CCNB3: variants seen among roughly 807,000 people sequenced by gnomAD.
The protein encoded by CCNB3 is G2/mitotic-specific cyclin-B3.
A neutral mutation model predicts 68.0 loss-of-function variants in CCNB3; 12 were observed. That is an observed-to-expected ratio of 0.18 (90% CI 0.11 to 0.29). The LOEUF is 0.29. Among genes scored for constraint, CCNB3 ranks in the 10% least tolerant of loss-of-function variants. The probability of loss-of-function intolerance (pLI) is 1.00; values close to 1 mark genes in which losing one functional copy is unlikely to be tolerated. For missense variants in CCNB3, 904 were observed against 993.1 expected (o/e 0.91, Z 1.21); for synonymous variants, 354 against 388.9 (o/e 0.91, Z 1.06).
At chrX:50,335,991 C>T (rs970573011) in intron 8 of CCNB3, among the ~76,000 whole-genome samples, 1 of 111,049 alleles carries the variant, frequency 9.0e-6, no homozygotes, top group African/African-American at 3.3e-5. Flanking sequence ...CAATGGTTTC[C>T]TTGGATAAGG....
chrX:50,349,474 G>C (rs1239186367), intron 11 of CCNB3, among the ~76,000 whole-genome samples: 1 of 112,281 alleles, frequency 8.9e-6, no homozygotes, highest in Non-Finnish European at 1.9e-5. Flanking sequence ...TACTGGTATA[G>C]CAAAAGAGAA....
At chrX:50,313,996 T>C in intron 8 of CCNB3, 48 bp downstream of exon 8, 1 of 1,001,109 alleles carries the variant, frequency 1.0e-6, no homozygotes, top group African/African-American at 1.9e-5. Flanking sequence ...CTCTTTCTCA[T>C]TCAGGGCTGC....
chrX:50,288,589 C>A (rs1205806192), intron 3 of CCNB3, among the ~76,000 whole-genome samples, 191 bp from the exon 4 acceptor site: 1 of 111,020 alleles, frequency 9.0e-6, no homozygotes, highest in African/African-American at 3.3e-5. Flanking sequence ...ACAATGTCTA[C>A]CACCTTTAGG....
At chrX:50,322,452 C>G (rs1188869191) in intron 8 of CCNB3, among the ~76,000 whole-genome samples, 15 of 111,322 alleles carry the variant, frequency 1.3e-4, no homozygotes, top group Non-Finnish European at 2.1e-4. Flanking sequence ...CATGTTAGAC[C>G]TAAAACCATA....
chrX:50,287,862 C>T (rs981501430), intron 3 of CCNB3, among the ~76,000 whole-genome samples: 2 of 110,553 alleles, frequency 1.8e-5, no homozygotes, highest in Non-Finnish European at 3.8e-5. Flanking sequence ...AAAGCTTCAT[C>T]GGTATTTATA....
chrX:50,342,403 A>G (rs1416197431), intron 9 of CCNB3, 64 bp downstream of exon 9: 1 of 961,586 alleles, frequency 1.0e-6, no homozygotes, highest in African/African-American at 2.0e-5. Flanking sequence ...GTGAATGAAT[A>G]TATATTCATA....
intron 5 of CCNB3, among the ~76,000 whole-genome samples, chrX:50,299,388 T>G (rs1193632256): frequency 7.2e-5 from 8 of 111,692 alleles, no homozygotes; most frequent in African/African-American, 2.6e-4. Flanking sequence ...ATTTTGCTAT[T>G]TACCCAGTAG....
chrX:50,207,492 T>G (rs77671993), intron 1 of CCNB3, among the ~76,000 whole-genome samples: 1 of 111,939 alleles, frequency 8.9e-6, no homozygotes, highest in Non-Finnish European at 1.9e-5. Flanking sequence ...TTCATATATA[T>G]TAGCAAATGC....
chrX:50,226,597 T>G (rs1192060496), intron 1 of CCNB3, among the ~76,000 whole-genome samples: 3 of 77,061 alleles, frequency 3.9e-5, no homozygotes, highest in Middle Eastern at 0.019. Context: ...AATATATATA[T>G]AGAATATATC....
At chrX:50,226,946 A>AATATATATAGTATATATAGAAT (rs1935853014) in intron 1 of CCNB3, among the ~76,000 whole-genome samples, 2 of 73,641 alleles carry the variant, frequency 2.7e-5, no homozygotes, top group African/African-American at 1.2e-4. Context: ...ATATATATAG[A>AATATATATAGTATATATAGAAT]ATATATATAG....
chrX:50,291,615 T>C (rs1246393458), intron 4 of CCNB3, among the ~76,000 whole-genome samples: 5 of 111,944 alleles, frequency 4.5e-5, no homozygotes, highest in African/African-American at 1.6e-4. Context: ...GAAGTACAAG[T>C]AAAGGTCCCC....
At chrX:50,336,804 A>T (rs1010217480) in intron 8 of CCNB3, among the ~76,000 whole-genome samples, 1 of 110,709 alleles carries the variant, frequency 9.0e-6, no homozygotes, top group African/African-American at 3.3e-5. Flanking sequence ...ATTCTTCTAT[A>T]TTCTTGAGGG....
Position 50,279,732 on chromosome X carries a change from A to G in CCNB3, c.-112-4810A>G, listed in dbSNP as rs1427764114. ...TGTATATTCATATATGTAAATATAT[A>G]TGATTATGTATATTCATATATGTAA... On this transcript the variant is annotated intron_variant, in intron 1 of 12. Coordinates refer to ENST00000376042, the MANE Select transcript of CCNB3 (RefSeq NM_033031.3). Among the ~76,000 whole-genome samples, 11 of 91,077 alleles carry G rather than the reference A, an allele frequency of 1.2e-4. No homozygotes were observed. The South Asian group carries it at 2.1e-3, about 17-fold the overall frequency. 79.1% of individuals were successfully genotyped at this position (91,077 alleles called of 115,157 possible).
chrX:50,302,117 G>A (rs782289086), intron 5 of CCNB3, among the ~76,000 whole-genome samples: 1 of 112,445 alleles, frequency 8.9e-6, no homozygotes, highest in Admixed American at 9.4e-5. Context: ...TTCAACTCGT[G>A]CATGGTGCGC....
chrX:50,338,816 C>T (rs1235852580), intron 8 of CCNB3, among the ~76,000 whole-genome samples: 1 of 112,350 alleles, frequency 8.9e-6, no homozygotes, highest in Non-Finnish European at 1.9e-5. Flanking sequence ...GCCTCTTTAG[C>T]CTGGACTTCA....
In CCNB3 at chrX:50,351,142, G is replaced by A. The variant is rs781871889; in HGVS notation, c.3961-99G>A. The A allele has an allele frequency of 1.8e-4, 179 of 977,074 alleles. No individual in the cohort carries two copies. The African/African-American group carries it at 3.1e-3, about 17-fold the overall frequency. The allele number at this position is 977,074 out of a possible 1,213,427, so 80.5% of individuals were successfully genotyped here. On this transcript the variant is annotated intron_variant, in intron 11 of 12. Transcript: ENST00000376042. ...TTGAAATGTTTTGAATGTCATCTCT[G>A]TTTAAACCATGTGTGGGAAGCTTAG...
intron 8 of CCNB3, 127 bp from the exon 9 acceptor site, chrX:50,342,075 C>T (rs782510143): frequency 2.7e-6 from 2 of 747,368 alleles, no homozygotes; most frequent in South Asian, 2.4e-5. Context: ...TTTCTGTATT[C>T]GTAGCAGAGT....
chrX:50,207,208 C>T (rs1210447837), intron 1 of CCNB3, among the ~76,000 whole-genome samples: 3 of 111,592 alleles, frequency 2.7e-5, no homozygotes, highest in Non-Finnish European at 5.6e-5. Context: ...CTAGCAGTGG[C>T]TCATGTGCTT....
rs1557221204 is a variant in CCNB3, at chrX:50,351,625, C to T, written c.4110C>T (p.Ala1370=). 8.3e-7 allele frequency: 1 copy of T among 1,211,204 alleles called. No individual in the cohort carries two copies. Among genetic ancestry groups the T allele is most frequent in the South Asian group, 1.8e-5 (1 of 56,935 alleles). The change falls in exon 13 of 13, where the codon GCC becomes GCT. Residue 1370 remains alanine, a synonymous_variant. Coordinates refer to ENST00000376042, the MANE Select transcript of CCNB3 (RefSeq NM_033031.3). ...TTTGCAGGGTCTTCTTTGAAGTCGC[C>T]AAAATCCCTGCCTTGGATATGTTGA... ...KYSHPVFFEV[A]KIPALDMLKL...
Sources: allele counts gnomAD v4.1 joint callset (sites outside exome capture counted in the v4.1 genomes callset), GRCh38; gene constraint gnomAD v4.1.1; transcripts MANE v1.5; gene names NCBI Gene and HGNC (gene_info 2026-07-23, HGNC 2026-07-21).